PDE4A: variants seen among roughly 807,000 people sequenced by gnomAD.
PDE4A encodes 3',5'-cyclic-AMP phosphodiesterase 4A.
In PDE4A, 21 loss-of-function variants were observed where a neutral mutation model predicts 73.9. The observed-to-expected ratio is 0.28, with a 90% CI of 0.20 to 0.41. PDE4A has a LOEUF of 0.41. PDE4A is among the 10% of genes least tolerant of loss of function. PDE4A has a pLI of 1.00. For synonymous variants in PDE4A, 463 were observed against 505.4 expected (o/e 0.92, Z 1.13); for missense variants, 958 against 1,211.4 (o/e 0.79, Z 3.10).
chr19:10,427,710 C>T (rs772096891), intron 1 of PDE4A: 1 of 937,354 alleles, frequency 1.1e-6, no homozygotes, highest in Non-Finnish European at 1.3e-6. Flanking sequence ...CAAGTCACTC[C>T]TCTCTGGGCC....
intron 2 of PDE4A, 104 bp downstream of exon 2, chr19:10,446,513 G>A (rs1016986374): frequency 8.6e-6 from 12 of 1,396,674 alleles, no homozygotes; most frequent in Admixed American, 2.4e-5. Flanking sequence ...ATCCTCCTCA[G>A]CACTCCCAAC....
upstream of PDE4A, chr19:10,419,030 G>C: frequency 1.0e-6 from 1 of 983,590 alleles, no homozygotes. Context: ...GGAGAAAAGT[G>C]GCTGTGGGGG....
At position 10,425,227 on chromosome 19, in the gene PDE4A, A is replaced by AAC. The variant is rs1413987804; in HGVS notation, c.320+4144_320+4145insCA. Among the ~76,000 whole-genome samples the AAC allele has an allele frequency of 7.3e-5, 11 of 151,708 alleles. No homozygotes were observed. The South Asian group carries it at 1.5e-3, about 20-fold the overall frequency. On this transcript the variant is annotated intron_variant, in intron 1 of 14. Coordinates refer to ENST00000380702, the MANE Select transcript of PDE4A (RefSeq NM_001111307.2). ...AGCAGAGCGAGACCCTGTCTCAAAA[A>AAC]AAAAAACAAAAAACAAAAAACAGAT...
Position 10,465,683 on chromosome 19 carries a change from C to CTTTTTTTT in PDE4A, c.1927-1177_1927-1170dup, listed in dbSNP as rs749126870. Among the ~76,000 whole-genome samples the CTTTTTTTT allele has an allele frequency of 2.2e-3, 107 of 48,384 alleles. 15 individuals are homozygous for CTTTTTTTT. The highest frequency in any genetic ancestry group is 2.9e-3 in the Non-Finnish European group (79 of 27,280). 31.7% of individuals were successfully genotyped at this position (48,384 alleles called of 152,430 possible). ...TCATAGCAATAGTTTGTGGCTTTAG[C>CTTTTTTTT]TTTTTTTTTTTTTTTTTTTTTTTTT... On this transcript the variant is annotated intron_variant, in intron 14 of 14. Coordinates refer to ENST00000380702, the MANE Select transcript of PDE4A (RefSeq NM_001111307.2).
Position 10,467,313 on chromosome 19 carries a change from T to A in PDE4A, c.2353T>A (p.Ser785Thr). 1 of 1,614,174 alleles carries A rather than the reference T, an allele frequency of 6.2e-7. No individual in the cohort carries two copies. The highest frequency in any genetic ancestry group is 1.7e-5 in the Admixed American group (1 of 60,006). Reference protein sequence around the residue: ...EAVYLTQQAQSTGSAPVAPDE... With the variant: ...EAVYLTQQAQTTGSAPVAPDE... ...AGTGTATTTGACACAGCAGGCACAG[T>A]CCACAGGCAGTGCACCTGTGGCTCC... The change falls in exon 15 of 15, where the codon TCC (serine) becomes ACC (threonine). Residue 785 changes from serine to threonine, a missense_variant. Coordinates refer to ENST00000380702, the MANE Select transcript of PDE4A (RefSeq NM_001111307.2).
intron 1 of PDE4A, among the ~76,000 whole-genome samples, chr19:10,422,242 C>A (rs897165568): frequency 1.3e-5 from 2 of 152,124 alleles, no homozygotes; most frequent in Non-Finnish European, 2.9e-5. Flanking sequence ...ACTTGGGGAA[C>A]AATGTGATTG....
chr19:10,426,785 A>G (rs761863824), intron 1 of PDE4A, among the ~76,000 whole-genome samples: 1 of 151,672 alleles, frequency 6.6e-6, no homozygotes, highest in South Asian at 2.1e-4. Flanking sequence ...GGAGGATTGC[A>G]TGAACCCAGG....
rs201822628 is a variant in PDE4A at position 10,459,614 on chromosome 19, A to T, written c.1220A>T (p.Lys407Ile). ...MIFQERDLLK[K>I]FRIPVDTMVT... is the part of the protein sequence containing the mutation. ...TCTCAGGAGCGGGACCTGCTGAAGA[A>T]ATTCCGCATCCCTGTGGACACGATG... The change falls in exon 10 of 15, where the codon AAA becomes ATA. Residue 407 changes from lysine (K) to isoleucine (I), a missense_variant. Lys to Ile is a moderately radical substitution (Grantham distance 102). Coordinates refer to ENST00000380702, the MANE Select transcript of PDE4A (RefSeq NM_001111307.2). 6.2e-7 allele frequency: 1 copy of T among 1,614,056 alleles called. No homozygotes were observed. Among genetic ancestry groups the T allele is most frequent in the African/African-American group, 1.3e-5 (1 of 74,940 alleles).
chr19:10,425,452 C>G (rs746644352), intron 1 of PDE4A, among the ~76,000 whole-genome samples: 1 of 152,188 alleles, frequency 6.6e-6, no homozygotes, highest in Non-Finnish European at 1.5e-5. Flanking sequence ...CAGCCAGGAG[C>G]TGGTGTTCTG....
At position 10,453,078 on chromosome 19, in the gene PDE4A, A is replaced by G. The variant is rs980930769; in HGVS notation, c.784-1751A>G. The G allele has an allele frequency of 1.1e-5, 15 of 1,330,250 alleles. No individual in the cohort carries two copies. In the Admixed American group the frequency reaches 2.6e-4, roughly 23 times the overall value. The allele number at this position is 1,330,250 out of a possible 1,614,324, so 82.4% of individuals were successfully genotyped here. ...CCCAGGGCTGGCGGGCCATGTAACCAGGGCTGCTGCTGGGAGCGCGGAGGG... is the reference window on the plus strand; with the variant it reads ...CCCAGGGCTGGCGGGCCATGTAACCGGGGCTGCTGCTGGGAGCGCGGAGGG... On this transcript the variant is annotated intron_variant, in intron 6 of 14. Coordinates refer to ENST00000380702, the MANE Select transcript of PDE4A (RefSeq NM_001111307.2). This position sits in a 1 kb window ranked among gnomAD's most constrained non-coding sequence, Gnocchi z 4.6.
chr19:10,454,730 G>A, intron 6 of PDE4A, 99 bp from the exon 7 acceptor site: 4 of 1,579,396 alleles, frequency 2.5e-6, no homozygotes, highest in Non-Finnish European at 3.5e-6. Context: ...AAAATAGGAG[G>A]GACTCATGGG....
intron 6 of PDE4A, chr19:10,454,626 C>T (rs1270857512): frequency 2.6e-6 from 1 of 387,488 alleles, no homozygotes; most frequent in Non-Finnish European, 3.5e-6. Flanking sequence ...CCATGACTCC[C>T]CAAACCTGGG....
intron 1 of PDE4A, among the ~76,000 whole-genome samples, chr19:10,422,899 G>T (rs535773855): frequency 8.8e-4 from 134 of 152,266 alleles, no homozygotes; most frequent in African/African-American, 3.0e-3. Flanking sequence ...AGTGAAGTAG[G>T]TTCCAGGCCC....
chr19:10,461,407 G>C lies in PDE4A; in HGVS notation c.1466-119G>C, dbSNP rs1162947488. On this transcript the variant is annotated intron_variant, in intron 11 of 14. Transcript: ENST00000380702. ...TGGCCGGGCTGGGGTAGAGCTGACT[G>C]GGCTGGAGGCGAGGCTGGCCGGGCT... 51 of 1,532,086 alleles carry C rather than the reference G, an allele frequency of 3.3e-5. No homozygotes were observed. The East Asian group carries it at 9.8e-4, about 29-fold the overall frequency. The allele number at this position is 1,532,086 out of a possible 1,614,324, so 94.9% of individuals were successfully genotyped here.
chr19:10,425,726 C>T (rs990401955), intron 1 of PDE4A, among the ~76,000 whole-genome samples: 4 of 152,078 alleles, frequency 2.6e-5, no homozygotes, highest in African/African-American at 9.7e-5. Flanking sequence ...TGGCTCATGC[C>T]TGTAATCCCA....
upstream of PDE4A, chr19:10,420,519 G>A: frequency 9.4e-7 from 1 of 1,068,164 alleles, no homozygotes; most frequent in Non-Finnish European, 1.1e-6. This position sits in a 1 kb window ranked among gnomAD's most constrained non-coding sequence, Gnocchi z 6.0. Context: ...GCCGCGGAAC[G>A]CGGAGCGCGG....
chr19:10,424,749 T>C lies in PDE4A; in HGVS notation c.320+3665T>C, dbSNP rs1333972622. Reference sequence around the variant, plus strand: ...CTGCCACACGCTGCGGGGACTGTCGTCTGGAGGACAGGGAGGAACCTGGCC... The same window carrying C: ...CTGCCACACGCTGCGGGGACTGTCGCCTGGAGGACAGGGAGGAACCTGGCC... On this transcript the variant is annotated intron_variant, in intron 1 of 14. Transcript: ENST00000380702. The surrounding 1 kb of genome is among the most constrained non-coding windows in gnomAD (Gnocchi z 4.8). Among the ~76,000 whole-genome samples, 1 of 152,196 alleles carries C rather than the reference T, an allele frequency of 6.6e-6. No homozygotes were observed.
intron 13 of PDE4A, among the ~76,000 whole-genome samples, chr19:10,462,526 C>T (rs908351859): frequency 1.3e-5 from 2 of 151,898 alleles, no homozygotes; most frequent in Non-Finnish European, 2.9e-5. Context: ...CTCACTATGT[C>T]ACCCAGTCTG....
At chr19:10,464,388 G>A (rs758265871) in intron 14 of PDE4A, 12 of 455,312 alleles carry the variant, frequency 2.6e-5, no homozygotes, top group Admixed American at 1.2e-4. Context: ...GAGCCACTGC[G>A]CCCAGCCTCC....
Sources: allele counts gnomAD v4.1 joint callset (sites outside exome capture counted in the v4.1 genomes callset), GRCh38; gene constraint gnomAD v4.1.1; non-coding constraint Gnocchi (gnomAD v3.1); transcripts MANE v1.5; gene names NCBI Gene and HGNC (gene_info 2026-07-23, HGNC 2026-07-21).